The following CCDC171 variants were observed in gnomAD, a reference collection of about 807,000 sequenced individuals.
CCDC171 encodes coiled-coil domain containing 171.
CCDC171 carries 177 observed loss-of-function variants against 168.2 expected under a neutral mutation model. That is an observed-to-expected ratio of 1.05 (90% CI 0.93 to 1.19). CCDC171 has a LOEUF of 1.19. CCDC171 is among the 50% of genes most tolerant of loss of function. The pLI is 0.00. For missense variants in CCDC171, 1,991 were observed against 1,539.0 expected (o/e 1.29, Z -4.91); for synonymous variants, 687 against 540.8 (o/e 1.27, Z -3.75).
intron 24 of CCDC171, among the ~76,000 whole-genome samples, chr9:15,907,003 AAG>A (rs1822755316): frequency 6.6e-6 from 1 of 152,164 alleles, no homozygotes; most frequent in African/African-American, 2.4e-5. Context: ...AATGAAATAA[AAG>A]AGGATACAAG....
chr9:15,677,375 A>G (rs1165821918), intron 9 of CCDC171, among the ~76,000 whole-genome samples: 1 of 152,112 alleles, frequency 6.6e-6, no homozygotes, highest in African/African-American at 2.4e-5. Flanking sequence ...TAACACTAGA[A>G]TTGTCTGTGT....
At chr9:15,742,165 A>G (rs988087014) in intron 16 of CCDC171, among the ~76,000 whole-genome samples, 3 of 151,456 alleles carry the variant, frequency 2.0e-5, no homozygotes, top group Non-Finnish European at 2.9e-5. Context: ...CCCTCATCCT[A>G]CTCCCAACTG....
chr9:15,655,351 A>T (rs1032377233), intron 7 of CCDC171, among the ~76,000 whole-genome samples: 1 of 152,114 alleles, frequency 6.6e-6, no homozygotes, highest in African/African-American at 2.4e-5. Context: ...TTTCTTTGCT[A>T]CTGTTATGTT....
intron 18 of CCDC171, among the ~76,000 whole-genome samples, chr9:15,755,990 G>A (rs2056086757): frequency 6.6e-6 from 1 of 152,208 alleles, no homozygotes; most frequent in Non-Finnish European, 1.5e-5. Flanking sequence ...CAGATGTGAA[G>A]AGATGTGGCT....
intron 21 of CCDC171, among the ~76,000 whole-genome samples, chr9:15,796,729 G>A (rs1164162782): frequency 6.6e-6 from 1 of 151,774 alleles, no homozygotes; most frequent in Non-Finnish European, 1.5e-5. Flanking sequence ...CATTTGTGGA[G>A]TGCACAGTGG....
chr9:15,952,589 G>T (rs763590018), intron 25 of CCDC171, among the ~76,000 whole-genome samples: 20 of 152,116 alleles, frequency 1.3e-4, no homozygotes, highest in Admixed American at 8.5e-4. Flanking sequence ...TAGAGACGGG[G>T]TTTCTCCATG....
In CCDC171 at chr9:15,602,647, CTTTTTT is replaced by C. The variant is rs1161286304; in HGVS notation, c.675+8496_675+8501del. ...TTTCTCATTTCTTTTTTTTTTTTTT[CTTTTTT>C]TTTTTTTTTTTTTTTTTTTTGATAC... On this transcript the variant is annotated intron_variant, in intron 6 of 25. Transcript: ENST00000380701. 3.2e-3 allele frequency among the ~76,000 whole-genome samples: 98 copies of C among 30,482 alleles called. 2 individuals are homozygous for C. Among genetic ancestry groups the C allele is most frequent in the Non-Finnish European group, 5.2e-3 (88 of 16,918 alleles). 20.0% of individuals were successfully genotyped at this position (30,482 alleles called of 152,430 possible).
At chr9:15,585,303 A>T (rs2041469347) in intron 4 of CCDC171, among the ~76,000 whole-genome samples, 1 of 152,354 alleles carries the variant, frequency 6.6e-6, no homozygotes, top group East Asian at 1.9e-4. Flanking sequence ...ATTTCCTAGC[A>T]ACTCCATTCA....
rs145072550 is a variant in CCDC171 at position 16,017,845 on chromosome 9, A to G, written n.369-2744A>G. Among the ~76,000 whole-genome samples the G allele has an allele frequency of 3.1e-4, 47 of 152,306 alleles. No homozygotes were observed. In the Middle Eastern group the frequency reaches 0.01, roughly 33 times the overall value. On this transcript the variant is annotated intron_variant and non_coding_transcript_variant, in intron 3 of 9. Transcript: ENST00000486641. Reference sequence around the variant, plus strand: ...AAAGAGGCCTAGGTTGAGCTTTGAGATATAACTTTAAGAGCAGCACCGCAG... The same window carrying G: ...AAAGAGGCCTAGGTTGAGCTTTGAGGTATAACTTTAAGAGCAGCACCGCAG...
intron 6 of CCDC171, among the ~76,000 whole-genome samples, chr9:15,620,948 A>G (rs79524183): frequency 6.6e-6 from 1 of 151,066 alleles, no homozygotes; most frequent in African/African-American, 2.4e-5. Flanking sequence ...TTTTTTTTTT[A>G]GCAGTAAAGT....
chr9:15,874,497 G>A (rs762335503), intron 23 of CCDC171, 35 bp from the exon 24 acceptor site: 2 of 1,557,792 alleles, frequency 1.3e-6, no homozygotes, highest in Non-Finnish European at 1.7e-6. Context: ...GTGTCTGAAG[G>A]GGAATTACCA....
intron 6 of CCDC171, among the ~76,000 whole-genome samples, chr9:15,615,458 C>T (rs1257527297): frequency 6.6e-6 from 1 of 152,114 alleles, no homozygotes; most frequent in East Asian, 1.9e-4. Flanking sequence ...TAAGTGACTA[C>T]CAGACCTCTG....
At chr9:15,994,640 G>A (rs1414869082) in intron 3 of CCDC171, among the ~76,000 whole-genome samples, 1 of 152,142 alleles carries the variant, frequency 6.6e-6, no homozygotes, top group South Asian at 2.1e-4. Context: ...GTTCTGTTAA[G>A]AATTCACACT....
chr9:15,940,814 G>A (rs1827625679), intron 25 of CCDC171, among the ~76,000 whole-genome samples: 1 of 151,818 alleles, frequency 6.6e-6, no homozygotes, highest in Admixed American at 6.6e-5. Context: ...TTGAGTCTGA[G>A]AGTTCAAGAA....
At chr9:15,727,314 G>C (rs1196825411) in intron 14 of CCDC171, among the ~76,000 whole-genome samples, 1 of 152,136 alleles carries the variant, frequency 6.6e-6, no homozygotes, top group Non-Finnish European at 1.5e-5. Flanking sequence ...TTTCCTATAA[G>C]TAGTAAGTAA....
chr9:15,986,947 G>T (rs1317018681), intron 3 of CCDC171, among the ~76,000 whole-genome samples: 1 of 42,328 alleles, frequency 2.4e-5, no homozygotes, highest in Non-Finnish European at 4.5e-5. Flanking sequence ...CATTTGTCCA[G>T]AAAAAAAACC....
At chr9:15,661,293 A>AC (rs2048304002) in intron 8 of CCDC171, among the ~76,000 whole-genome samples, 5 of 147,698 alleles carry the variant, frequency 3.4e-5, no homozygotes, top group Admixed American at 6.8e-5. Flanking sequence ...AAAAAAAAAA[A>AC]AAAAAAAGTA....
In CCDC171 at chr9:15,821,738, C is replaced by T. The variant is rs1447720080; in HGVS notation, c.3268-24964C>T. ...GCTCCTGGGTGGGAAGAATCAATAT[C>T]GTGAAAATGGCCATACTGCCCAAGG... On this transcript the variant is annotated intron_variant, in intron 21 of 25. Transcript: ENST00000380701. 1.6e-4 allele frequency among the ~76,000 whole-genome samples: 19 copies of T among 116,576 alleles called. 5 individuals carry two copies. The highest frequency in any genetic ancestry group is 4.5e-4 in the African/African-American group (14 of 30,792). 76.5% of individuals were successfully genotyped at this position (116,576 alleles called of 152,430 possible). A position where few individuals can be genotyped will look rare whatever the true frequency, so the allele number is the denominator to read the frequency against.
chr9:15,636,998 G>C (rs1587637791), intron 7 of CCDC171, among the ~76,000 whole-genome samples: 1 of 152,190 alleles, frequency 6.6e-6, no homozygotes. Context: ...GCTCATGCCT[G>C]TAATCCCAGC....
Sources: allele counts gnomAD v4.1 joint callset (sites outside exome capture counted in the v4.1 genomes callset), GRCh38; gene constraint gnomAD v4.1.1; transcripts MANE v1.5; gene names NCBI Gene and HGNC (gene_info 2026-07-23, HGNC 2026-07-21).